GHRHR: variants seen among roughly 807,000 people sequenced by gnomAD.
GHRHR encodes growth hormone releasing hormone receptor, also known as growth hormone-releasing hormone receptor.
Under a neutral mutation model 58.3 loss-of-function variants are expected in GHRHR, and 40 were observed. The observed-to-expected ratio is 0.69, with a 90% CI of 0.53 to 0.89. GHRHR has a LOEUF of 0.89. Ranked by LOEUF, GHRHR falls within the 40% of genes least tolerant of loss-of-function variation. The pLI, the probability that GHRHR is intolerant of heterozygous loss-of-function variation, is 0.00. For synonymous variants in GHRHR, 249 were observed against 216.6 expected, an observed-to-expected ratio of 1.15 and a Z score of -1.31; for missense variants, 551 against 541.3, an observed-to-expected ratio of 1.02 and a Z score of -0.18.
At position 30,969,898 on chromosome 7, in the gene GHRHR, C is replaced by T. The variant is rs549665869; in HGVS notation, c.300C>T (p.Gly100=). ...TGAAACGGGATTGTACTATCACTGG[C>T]TGGTCTGAGCCCTTTCCACCTTACC... The part of the protein sequence containing the change: ...GAVKRDCTIT[G]WSEPFPPYPV... The change falls in exon 4 of 13, where the codon GGC becomes GGT. Residue 100 remains glycine (G), a synonymous_variant. Coordinates refer to ENST00000326139, the MANE Select transcript of GHRHR (RefSeq NM_000823.4). 3.5e-5 allele frequency: 57 copies of T among 1,609,472 alleles called. No homozygotes were observed. The African/African-American group carries it at 4.5e-4, about 13-fold the overall frequency.
At chr7:30,965,814 G>A (rs933366884) in intron 1 of GHRHR, among the ~76,000 whole-genome samples, 1 of 152,236 alleles carries the variant, frequency 6.6e-6, no homozygotes. Context: ...CTGATGGTGT[G>A]AGAAAGTCCC....
intron 7 of GHRHR, 68 bp from the exon 8 acceptor site, chr7:30,974,361 A>T (rs1792535607): frequency 9.0e-6 from 11 of 1,216,714 alleles, no homozygotes; most frequent in Non-Finnish European, 1.3e-5. Flanking sequence ...TGGTGGTGGG[A>T]GGTGGCGCCA....
In GHRHR at chr7:30,979,198, C is replaced by T. The variant is rs754378932; in HGVS notation, c.1226C>T (p.Thr409Ile). ...GCCTGGAGGACCCGTGCTAAGTGGA[C>T]CACGCCTTCCCGCTCGGCGGCAAAG... is the stretch of plus-strand genomic sequence containing the variant. Reference protein sequence around the residue: ...LPAWRTRAKWTTPSRSAAKVL... With the variant: ...LPAWRTRAKWITPSRSAAKVL... Residue 409 changes from threonine (T) to isoleucine (I), a missense_variant, in exon 13 of 13, where the codon ACC (threonine) becomes ATC (isoleucine). By Grantham distance (89) the Thr-to-Ile change is moderately conservative. Coordinates refer to ENST00000326139, the MANE Select transcript of GHRHR (RefSeq NM_000823.4). The T allele has an allele frequency of 6.2e-7, 1 of 1,613,882 alleles. No homozygotes were observed. Among genetic ancestry groups the T allele is most frequent in the East Asian group, 2.2e-5 (1 of 44,888 alleles).
rs776509945 is a variant in GHRHR, at chr7:30,979,269, C to A, written c.*25C>A. On this transcript the variant is annotated 3_prime_UTR_variant, in exon 13 of 13. Coordinates refer to ENST00000326139, the MANE Select transcript of GHRHR (RefSeq NM_000823.4). ...GGCTGCCTCATCACGCCACTGGAGT[C>A]CACACTTGAATTTGGGCAGCTACCA... 6.8e-6 allele frequency: 11 copies of A among 1,611,426 alleles called. No homozygotes were observed. The highest frequency in any genetic ancestry group is 9.3e-6 in the Non-Finnish European group (11 of 1,178,856).
At chr7:30,973,351 C>T (rs896748585) in intron 6 of GHRHR, among the ~76,000 whole-genome samples, 1 of 152,136 alleles carries the variant, frequency 6.6e-6, no homozygotes, top group Admixed American at 6.5e-5. Flanking sequence ...AGTCAGCTGG[C>T]ATTATCTCTT....
In GHRHR at chr7:30,974,093, C is replaced by T. The variant is rs765351703; in HGVS notation, c.706C>T (p.Pro236Ser). The change falls in exon 7 of 13, where the codon CCC (proline) becomes TCC (serine). Residue 236 changes from proline to serine, a missense_variant. Physicochemically the swap from Pro to Ser is moderately conservative, Grantham distance 74. Coordinates refer to ENST00000326139, the MANE Select transcript of GHRHR (RefSeq NM_000823.4). ...YLNCLLASTS[P>S]SSRRAFWWLV... ...GAACTGCCTCCTGGCCTCCACCTCC[C>T]CCAGCTCAAGGAGAGCCTTCTGGTG... 8.1e-6 allele frequency: 13 copies of T among 1,614,036 alleles called. No individual in the cohort carries two copies. The Admixed American group carries it at 2.0e-4, about 25-fold the overall frequency.
intron 7 of GHRHR, 131 bp downstream of exon 7, chr7:30,974,269 C>A: frequency 8.3e-7 from 1 of 1,204,048 alleles, no homozygotes; most frequent in Non-Finnish European, 1.2e-6. Flanking sequence ...AGTCCGGCAG[C>A]AAGTGTTGGA....
At chr7:30,971,047 CTTGA>C (rs1476217239) in intron 4 of GHRHR, 68 bp from the exon 5 acceptor site, 6 of 748,232 alleles carry the variant, frequency 8.0e-6, no homozygotes, top group African/African-American at 3.5e-5. Context: ...GCTTCACCTG[CTTGA>C]TTGTCAAGCC....
At position 30,976,570 on chromosome 7, in the gene GHRHR, C is replaced by G. The variant is rs996000707; in HGVS notation, c.1104+12C>G. On this transcript the variant is annotated intron_variant, in intron 11 of 12. Transcript: ENST00000326139. Reference sequence around the variant, plus strand: ...TGGGTTCCTTCCAGGTGAGGGCCCCCACAGGCACTCTTTCTTTCCATTGAG... The same window carrying G: ...TGGGTTCCTTCCAGGTGAGGGCCCCGACAGGCACTCTTTCTTTCCATTGAG... 2 of 1,611,290 alleles carry G rather than the reference C, an allele frequency of 1.2e-6. No homozygotes were observed. The highest frequency in any genetic ancestry group is 2.7e-5 in the African/African-American group (2 of 74,880).
At position 30,968,927 on chromosome 7, in the gene GHRHR, A is replaced by G. The variant is rs141571344; in HGVS notation, c.151A>G (p.Thr51Ala). 165 of 1,610,794 alleles carry G rather than the reference A, an allele frequency of 1.0e-4. 3 individuals are homozygous for G. In the East Asian group the frequency reaches 3.7e-3, roughly 36 times the overall value. The change falls in exon 2 of 13, where the codon ACC becomes GCC. Residue 51 changes from threonine to alanine, a missense_variant. By Grantham distance (58) the Thr-to-Ala change is moderately conservative. Transcript: ENST00000326139. ...CLQAAEEMPN[T>A]TLGCPATWDG... ...ACAAGCAGCAGAGGAGATGCCCAAC[A>G]CCACCCTGGGTATGGGGCCTAGGAG...
At position 30,979,178 on chromosome 7, in the gene GHRHR, G is replaced by T; in HGVS notation, c.1206G>T (p.Trp402Cys). The stretch of plus-strand genomic sequence containing the variant: ...ATGACCCTGAGCTTCTGCCAGCCTG[G>T]AGGACCCGTGCTAAGTGGACCACGC... Reference protein sequence around the residue: ...HGHDPELLPAWRTRAKWTTPS... With the variant: ...HGHDPELLPACRTRAKWTTPS... Residue 402 changes from tryptophan to cysteine, a missense_variant, in exon 13 of 13, where the codon TGG becomes TGT. Physicochemically the swap from Trp to Cys is radical, Grantham distance 215. Transcript: ENST00000326139. 6.2e-7 allele frequency: 1 copy of T among 1,613,918 alleles called. No homozygotes were observed. The highest frequency in any genetic ancestry group is 8.5e-7 in the Non-Finnish European group (1 of 1,179,782).
chr7:30,970,855 C>T, intron 4 of GHRHR: 2 of 535,754 alleles, frequency 3.7e-6, no homozygotes, highest in Non-Finnish European at 6.7e-6. Flanking sequence ...GGCTGCCTCT[C>T]CTCACCCTCA....
chr7:30,974,319 C>A, intron 7 of GHRHR, 110 bp from the exon 8 acceptor site: 1 of 1,109,146 alleles, frequency 9.0e-7, no homozygotes, highest in Non-Finnish European at 1.4e-6. Flanking sequence ...CCTGCCTGGC[C>A]CTGCCTTTGC....
chr7:30,967,693 C>T (rs953155210), intron 1 of GHRHR, among the ~76,000 whole-genome samples: 2 of 132,506 alleles, frequency 1.5e-5, no homozygotes, highest in Admixed American at 1.4e-4. Flanking sequence ...TTTCTGCCTT[C>T]CTGCCTTCCT....
intron 1 of GHRHR, among the ~76,000 whole-genome samples, chr7:30,965,719 A>G (rs1422043548): frequency 6.6e-6 from 1 of 152,164 alleles, no homozygotes; most frequent in Admixed American, 6.5e-5. Context: ...TTTCCCAGGC[A>G]GGGTTGGGGC....
At chr7:30,972,207 C>T (rs905275452) in intron 6 of GHRHR, 112 bp downstream of exon 6, 13 of 1,125,772 alleles carry the variant, frequency 1.2e-5, no homozygotes, top group Non-Finnish European at 1.7e-5. Flanking sequence ...CCCTGGGGCT[C>T]CCGCATGGCC....
chr7:30,970,534 G>C (rs1217872360), intron 4 of GHRHR, among the ~76,000 whole-genome samples: 1 of 152,252 alleles, frequency 6.6e-6, no homozygotes, highest in South Asian at 2.1e-4. Flanking sequence ...CAGATGGAAA[G>C]ACTGAGTCAG....
chr7:30,978,157 A>T (rs533398254), intron 12 of GHRHR, among the ~76,000 whole-genome samples: 20 of 152,260 alleles, frequency 1.3e-4, no homozygotes, highest in African/African-American at 4.6e-4. Flanking sequence ...TTTTGCTCCC[A>T]TCTCATCTGC....
intron 5 of GHRHR, 114 bp downstream of exon 5, chr7:30,971,330 C>T: frequency 1.4e-6 from 1 of 704,938 alleles, no homozygotes; most frequent in South Asian, 1.5e-5. Context: ...AGGCGCCATA[C>T]CCATGTCTAA....
Sources: allele counts gnomAD v4.1 joint callset (sites outside exome capture counted in the v4.1 genomes callset), GRCh38; gene constraint gnomAD v4.1.1; transcripts MANE v1.5; gene names NCBI Gene and HGNC (gene_info 2026-07-23, HGNC 2026-07-21).